TSGA10: variants seen among roughly 807,000 people sequenced by gnomAD.
The protein encoded by TSGA10 is testis specific 10.
A neutral mutation model predicts 96.6 loss-of-function variants in TSGA10; 43 were observed. The observed-to-expected ratio is 0.44, with a 90% CI of 0.35 to 0.57. The LOEUF (loss-of-function observed/expected upper bound fraction) is 0.57. Ranked by LOEUF, TSGA10 falls within the 20% of genes least tolerant of loss-of-function variation. The pLI is 0.01. For missense variants in TSGA10, 703 were observed against 834.4 expected, an observed-to-expected ratio of 0.84 and a Z score of 1.94; for synonymous variants, 229 against 269.9, an observed-to-expected ratio of 0.85 and a Z score of 1.48.
intron 7 of TSGA10, among the ~76,000 whole-genome samples, chr2:99,107,088 TCTC>T (rs1257356738): frequency 5.3e-5 from 8 of 152,098 alleles, no homozygotes; most frequent in Admixed American, 3.3e-4. Flanking sequence ...CACCAATGAC[TCTC>T]CTATTTTTTA....
At chr2:99,088,409 T>G (rs963788556) in intron 10 of TSGA10, among the ~76,000 whole-genome samples, 1 of 152,212 alleles carries the variant, frequency 6.6e-6, no homozygotes, top group African/African-American at 2.4e-5. Context: ...AAAAAACACA[T>G]AGTACATATA....
At chr2:99,141,720 G>C (rs925664969) in intron 1 of TSGA10, 3 of 152,986 alleles carry the variant, frequency 2.0e-5, no homozygotes, top group African/African-American at 7.2e-5. Context: ...TCGCAGCCCC[G>C]CCTTCCCTCA....
intron 15 of TSGA10, among the ~76,000 whole-genome samples, chr2:99,066,025 A>T (rs1253029684): frequency 1.3e-5 from 2 of 152,216 alleles, no homozygotes; most frequent in Non-Finnish European, 2.9e-5. Context: ...GTAATTTTTT[A>T]AAAGGCACTA....
chr2:99,127,270 C>T (rs2092876558), intron 1 of TSGA10, 94 bp from the exon 2 acceptor site: 2 of 1,026,988 alleles, frequency 1.9e-6, no homozygotes, highest in African/African-American at 1.7e-5. Flanking sequence ...TGATAATATT[C>T]TTAGATTTTT....
At chr2:99,112,395 T>C (rs1328863443) in intron 4 of TSGA10, among the ~76,000 whole-genome samples, 5 of 152,200 alleles carry the variant, frequency 3.3e-5, no homozygotes, top group Admixed American at 3.3e-4. Context: ...ATTTCTGCCT[T>C]TGTGGATTCT....
At chr2:99,139,713 A>T (rs189845733) in intron 1 of TSGA10, among the ~76,000 whole-genome samples, 4 of 152,160 alleles carry the variant, frequency 2.6e-5, no homozygotes, top group African/African-American at 7.2e-5. Flanking sequence ...GATTAATCTT[A>T]AAAAAAATGT....
rs956366594 is a variant in TSGA10, at chr2:99,071,570, A to G, written c.1107+136T>C. ...ATTCCATTTAAAAATTATGTGGCCTATTTTGTTATTTTTTAAAAAAAAGAA... is the reference window on the plus strand; with the variant it reads ...ATTCCATTTAAAAATTATGTGGCCTGTTTTGTTATTTTTTAAAAAAAAGAA... On this transcript the variant is annotated intron_variant, in intron 14 of 20. Coordinates refer to ENST00000393483, the MANE Select transcript of TSGA10 (RefSeq NM_025244.4). 4.2e-6 allele frequency: 3 copies of G among 719,230 alleles called. No individual in the cohort carries two copies. In the African/African-American group the frequency reaches 5.4e-5, roughly 13 times the overall value. The allele number at this position is 719,230 out of a possible 1,614,324, so 44.6% of individuals were successfully genotyped here. A position where few individuals can be genotyped will look rare whatever the true frequency, so the allele number is the denominator to read the frequency against.
At chr2:99,109,936 G>A (rs185155142) in intron 5 of TSGA10, among the ~76,000 whole-genome samples, 101 of 152,048 alleles carry the variant, frequency 6.6e-4, no homozygotes, top group African/African-American at 1.8e-3. Context: ...AGGCCGAGGC[G>A]GGCAGATCAT....
chr2:99,147,519 C>A (rs140408417), intron 1 of TSGA10: 1 of 1,606,872 alleles, frequency 6.2e-7, no homozygotes, highest in Non-Finnish European at 8.5e-7. Context: ...CCAAGTCTAC[C>A]CTATTATACT....
intron 16 of TSGA10, among the ~76,000 whole-genome samples, chr2:99,060,843 A>G (rs915034748): frequency 1.3e-5 from 2 of 152,174 alleles, no homozygotes; most frequent in Non-Finnish European, 2.9e-5. Context: ...AGTCTTTTCA[A>G]TAAGTGGTGC....
intron 2 of TSGA10, among the ~76,000 whole-genome samples, chr2:99,119,669 T>A (rs1467031597): frequency 6.6e-6 from 1 of 152,180 alleles, no homozygotes; most frequent in African/African-American, 2.4e-5. Context: ...TAACAATCAT[T>A]AATTATTTAA....
intron 1 of TSGA10, among the ~76,000 whole-genome samples, chr2:99,139,075 C>T (rs540511611): frequency 1.8e-4 from 28 of 152,274 alleles, no homozygotes; most frequent in South Asian, 4.1e-4. Context: ...GCCTGGACAA[C>T]ATAGTGAGTT....
At chr2:99,042,025 C>A in intron 16 of TSGA10, among the ~76,000 whole-genome samples, 1 of 144,810 alleles carries the variant, frequency 6.9e-6, no homozygotes. Flanking sequence ...CATGAATAGA[C>A]AATTGCCCCC....
In TSGA10 at chr2:99,035,310, T is replaced by C. The variant is rs2081520822; in HGVS notation, c.1534A>G (p.Arg512Gly). The C allele has an allele frequency of 3.1e-6, 5 of 1,613,006 alleles. No individual in the cohort carries two copies. The highest frequency in any genetic ancestry group is 1.3e-5 in the African/African-American group (1 of 74,914). Reference sequence around the variant, plus strand: ...GAGTCAAGTTTAATACAGAGTTCCCTAGTAGAAGACAAATCTGCAAGAGCG... The same window carrying C: ...GAGTCAAGTTTAATACAGAGTTCCCCAGTAGAAGACAAATCTGCAAGAGCG... ...VSALADLSST[R>G]ELCIKLDSSK... The change falls in exon 17 of 21, where the codon AGG (arginine) becomes GGG (glycine). Residue 512 changes from arginine (R) to glycine (G), a missense_variant. By Grantham distance (125) the Arg-to-Gly change is moderately radical (BLOSUM62 -2). Coordinates refer to ENST00000393483, the MANE Select transcript of TSGA10 (RefSeq NM_025244.4).
chr2:99,052,850 C>T (rs1290908642), intron 16 of TSGA10, among the ~76,000 whole-genome samples: 4 of 152,088 alleles, frequency 2.6e-5, no homozygotes, highest in African/African-American at 9.7e-5. Flanking sequence ...AGGTGGATCA[C>T]CTGAGCTCAG....
chr2:99,129,655 A>G (rs1341725323), intron 1 of TSGA10, among the ~76,000 whole-genome samples: 1 of 152,122 alleles, frequency 6.6e-6, no homozygotes, highest in African/African-American at 2.4e-5. Flanking sequence ...CCACATAAAT[A>G]TCCTCAACCT....
chr2:99,001,890 T>C (rs564581680), intron 20 of TSGA10, among the ~76,000 whole-genome samples: 1 of 152,090 alleles, frequency 6.6e-6, no homozygotes, highest in Non-Finnish European at 1.5e-5. Context: ...GTATCAGTGA[T>C]TGAAGATCAA....
At chr2:99,135,679 T>C (rs13016479) in intron 1 of TSGA10, among the ~76,000 whole-genome samples, 1 of 152,150 alleles carries the variant, frequency 6.6e-6, no homozygotes, top group Non-Finnish European at 1.5e-5. Context: ...TCTCTGACTA[T>C]AGCTTCCTCA....
chr2:99,105,480 T>C (rs892635907), intron 8 of TSGA10, 44 bp from the exon 9 acceptor site: 3 of 1,613,838 alleles, frequency 1.9e-6, no homozygotes, highest in Middle Eastern at 3.3e-4. Flanking sequence ...TCAATATCCC[T>C]GAATTTGTGT....
Sources: allele counts gnomAD v4.1 joint callset (sites outside exome capture counted in the v4.1 genomes callset), GRCh38; gene constraint gnomAD v4.1.1; transcripts MANE v1.5; gene names NCBI Gene and HGNC (gene_info 2026-07-23, HGNC 2026-07-21).